Variants in CDH8 observed in about 807,000 individuals in gnomAD.
CDH8 encodes cadherin-8.
In CDH8, 17 loss-of-function variants were observed where a neutral mutation model predicts 68.1. That is an observed-to-expected ratio of 0.25 (90% CI 0.17 to 0.37). The LOEUF is 0.37. CDH8 is among the 10% of genes least tolerant of loss of function. CDH8 has a pLI of 1.00. For missense variants in CDH8, 763 were observed against 999.3 expected (o/e 0.76, Z 3.19); for synonymous variants, 372 against 365.1 (o/e 1.02, Z -0.21).
intron 2 of CDH8, among the ~76,000 whole-genome samples, chr16:61,962,181 T>A (rs773704381): frequency 6.6e-6 from 1 of 152,066 alleles, no homozygotes; most frequent in Non-Finnish European, 1.5e-5. Context: ...AGGAGGGGCT[T>A]GTCTTGCTGT....
intron 2 of CDH8, among the ~76,000 whole-genome samples, chr16:61,912,698 G>T (rs1257217163): frequency 6.6e-6 from 1 of 151,980 alleles, no homozygotes; most frequent in East Asian, 1.9e-4. Context: ...ATGATCTTGG[G>T]CAGGTCACCT....
At chr16:61,883,308 C>A (rs1354100124) in intron 3 of CDH8, among the ~76,000 whole-genome samples, 29 of 151,756 alleles carry the variant, frequency 1.9e-4, no homozygotes, top group Admixed American at 1.9e-3. Context: ...CATTTCACTC[C>A]CCTTTTAACT....
chr16:61,771,797 A>T (rs1960785621), intron 8 of CDH8, among the ~76,000 whole-genome samples: 1 of 152,032 alleles, frequency 6.6e-6, no homozygotes, highest in Admixed American at 6.6e-5. Flanking sequence ...ACCAATAAGA[A>T]ATAAATTATA....
rs772170739 is a variant in CDH8 at position 61,789,469 on chromosome 16, G to A, written c.1291C>T (p.Arg431Trp). Reference sequence around the variant, plus strand: ...AACTGCCTCTCCAGGTCAGTGTGCCGGTCGATGGAAAACCTACAAAACAGA... The same window carrying A: ...AACTGCCTCTCCAGGTCAGTGTGCCAGTCGATGGAAAACCTACAAAACAGA... The part of the protein sequence containing the change: ...TSSPIRFSID[R>W]HTDLERQFNI... The change falls in exon 8 of 12, where the codon CGG becomes TGG. Residue 431 changes from arginine to tryptophan, a missense_variant. By Grantham distance (101) the Arg-to-Trp change is moderately radical. This residue lies in a region of CDH8 where 366 missense variants were observed against 563.1 expected (regional missense o/e 0.65). Coordinates refer to ENST00000577390, the MANE Select transcript of CDH8 (RefSeq NM_001796.5). 29 of 1,612,194 alleles carry A rather than the reference G, an allele frequency of 1.8e-5. No homozygotes were observed. The highest frequency in any genetic ancestry group is 6.7e-5 in the African/African-American group (5 of 74,732).
chr16:61,868,114 G>C (rs1963290521), intron 3 of CDH8, among the ~76,000 whole-genome samples: 1 of 152,110 alleles, frequency 6.6e-6, no homozygotes, highest in Non-Finnish European at 1.5e-5. Flanking sequence ...CTCTGAGTCT[G>C]CTATGAATAT....
chr16:61,959,122 C>T (rs1965034188), intron 2 of CDH8, among the ~76,000 whole-genome samples: 2 of 152,034 alleles, frequency 1.3e-5, no homozygotes, highest in Admixed American at 1.3e-4. Context: ...ACCTTCTCCC[C>T]CATCTCCATC....
chr16:61,930,270 A>AACACACACACAC lies in CDH8; in HGVS notation c.253-28809_253-28798dup, dbSNP rs369686237. Among the ~76,000 whole-genome samples the AACACACACACAC allele has an allele frequency of 6.0e-4, 86 of 144,352 alleles. 1 individual carries two copies. The highest frequency in any genetic ancestry group is 2.1e-3 in the African/African-American group (84 of 39,398). 94.7% of individuals were successfully genotyped at this position (144,352 alleles called of 152,430 possible). The stretch of plus-strand genomic sequence containing the variant: ...TTGTTTAAATTAACTAAAGTTAGAA[A>AACACACACACAC]ACACACACACACACACACACACACA... On this transcript the variant is annotated intron_variant, in intron 2 of 11. Transcript: ENST00000577390.
intron 8 of CDH8, among the ~76,000 whole-genome samples, chr16:61,771,327 G>C (rs575639880): frequency 5.3e-5 from 8 of 151,622 alleles, no homozygotes; most frequent in Non-Finnish European, 1.2e-4. Flanking sequence ...TATTGGAAAT[G>C]TGAAAAACAG....
chr16:61,815,272 G>C (rs1352940430), intron 7 of CDH8, among the ~76,000 whole-genome samples: 1 of 152,084 alleles, frequency 6.6e-6, no homozygotes, highest in Non-Finnish European at 1.5e-5. Flanking sequence ...AAACTTTCCT[G>C]CCAGTAACAG....
At chr16:61,728,965 G>A (rs895356285) in intron 8 of CDH8, among the ~76,000 whole-genome samples, 2 of 151,004 alleles carry the variant, frequency 1.3e-5, no homozygotes, top group Admixed American at 1.3e-4. Context: ...ATACAGTATT[G>A]GACACACATT....
At chr16:61,955,653 G>A (rs1964975404) in intron 2 of CDH8, among the ~76,000 whole-genome samples, 1 of 151,826 alleles carries the variant, frequency 6.6e-6, no homozygotes, top group Admixed American at 6.6e-5. Flanking sequence ...TTTATCATAA[G>A]GTCATTTAAA....
In CDH8 at chr16:62,020,497, C is replaced by T. The variant is rs574542670; in HGVS notation, c.252+655G>A. 4.4e-4 allele frequency among the ~76,000 whole-genome samples: 34 copies of T among 77,234 alleles called. 1 individual carries two copies. The highest frequency in any genetic ancestry group is 5.0e-4 in the South Asian group (1 of 2,018). 50.7% of individuals were successfully genotyped at this position (77,234 alleles called of 152,430 possible). On this transcript the variant is annotated intron_variant, in intron 2 of 11. Coordinates refer to ENST00000577390, the MANE Select transcript of CDH8 (RefSeq NM_001796.5). The stretch of plus-strand genomic sequence containing the variant: ...CCAGTCTAACACACACACGCGCGCG[C>T]GCACACACACACACACACACACACA...
intron 2 of CDH8, among the ~76,000 whole-genome samples, chr16:61,916,413 G>A (rs923410958): frequency 2.6e-5 from 4 of 152,264 alleles, no homozygotes; most frequent in African/African-American, 4.8e-5. Flanking sequence ...TACTTGGGAG[G>A]CTGAGGCAGG....
At chr16:61,687,078 C>T (rs1596866387) in intron 10 of CDH8, among the ~76,000 whole-genome samples, 1 of 151,848 alleles carries the variant, frequency 6.6e-6, no homozygotes, top group East Asian at 1.9e-4. Context: ...TATGTTGATA[C>T]TTTCCTTAAA....
intron 4 of CDH8, among the ~76,000 whole-genome samples, chr16:61,842,851 T>G (rs577495378): frequency 1.3e-5 from 2 of 152,292 alleles, no homozygotes; most frequent in African/African-American, 4.8e-5. Flanking sequence ...ACATAAATAT[T>G]TGCACATGTG....
rs551793613 is a variant in CDH8 at position 61,652,479 on chromosome 16, A to T, written c.*1129T>A. The T allele has an allele frequency of 1.0e-5, 10 of 992,438 alleles. No individual in the cohort carries two copies. In the South Asian group the frequency reaches 3.7e-4, roughly 37 times the overall value. 61.5% of individuals were successfully genotyped at this position (992,438 alleles called of 1,614,324 possible). ...TACTAGGATTATGAACAAAATAGAA[A>T]ACAGTCCAAAAGTTTGTCTGGGAAG... On this transcript the variant is annotated 3_prime_UTR_variant, in exon 12 of 12. Coordinates refer to ENST00000577390, the MANE Select transcript of CDH8 (RefSeq NM_001796.5).
chr16:61,962,380 G>C (rs1965170347), intron 2 of CDH8, among the ~76,000 whole-genome samples: 1 of 152,158 alleles, frequency 6.6e-6, no homozygotes. Flanking sequence ...GGGGCAGGAA[G>C]ATATAATTAC....
chr16:61,811,577 T>C (rs867114734), intron 7 of CDH8, among the ~76,000 whole-genome samples: 5 of 152,142 alleles, frequency 3.3e-5, no homozygotes, highest in Admixed American at 6.5e-5. Flanking sequence ...GAAATCAAGA[T>C]ATTAAAAAGA....
intron 3 of CDH8, among the ~76,000 whole-genome samples, chr16:61,864,330 G>T (rs1481002653): frequency 6.6e-6 from 1 of 151,662 alleles, no homozygotes; most frequent in Non-Finnish European, 1.5e-5. Context: ...TGGTTGGTTG[G>T]TTGGTTGGTT....
Sources: gnomAD v4.1 joint callset for allele counts (sites outside exome capture counted in the v4.1 genomes callset) on GRCh38, gnomAD v4.1.1 for gene constraint, gnomAD v4.1.1 regional missense constraint, MANE v1.5 for transcripts, NCBI Gene and HGNC (gene_info 2026-07-23, HGNC 2026-07-21) for gene names.